Variants in KLHL1 observed in about 807,000 individuals in gnomAD.
KLHL1 encodes the protein kelch like family member 1.
KLHL1 carries 47 observed loss-of-function variants against 77.7 expected under a neutral mutation model. The observed-to-expected ratio is 0.60, with a 90% CI of 0.48 to 0.77. The LOEUF is 0.77. KLHL1 is among the 30% of genes least tolerant of loss of function. KLHL1 has a pLI of 0.00. For missense variants in KLHL1, 925 were observed against 910.8 expected, an observed-to-expected ratio of 1.02 and a Z score of -0.20; for synonymous variants, 360 against 325.2, an observed-to-expected ratio of 1.11 and a Z score of -1.15.
intron 5 of KLHL1, among the ~76,000 whole-genome samples, chr13:69,862,833 C>G (rs1880226837): frequency 1.3e-5 from 2 of 152,044 alleles, no homozygotes; most frequent in African/African-American, 4.8e-5. Context: ...AAGCCCTCAC[C>G]AGCAACTAAA....
chr13:70,088,869 T>A (rs996841559), intron 1 of KLHL1, among the ~76,000 whole-genome samples: 2 of 152,192 alleles, frequency 1.3e-5, no homozygotes, highest in African/African-American at 2.4e-5. Context: ...AAAAAACTTA[T>A]CAGGGCTATT....
intron 1 of KLHL1, among the ~76,000 whole-genome samples, chr13:70,065,097 T>C (rs951930521): frequency 1.1e-4 from 16 of 152,156 alleles, no homozygotes; most frequent in African/African-American, 3.4e-4. Flanking sequence ...TCTAACCCTG[T>C]TTATTTCAAG....
At chr13:69,799,463 G>A (rs529467227) in intron 6 of KLHL1, among the ~76,000 whole-genome samples, 5 of 152,194 alleles carry the variant, frequency 3.3e-5, no homozygotes, top group African/African-American at 7.2e-5. Flanking sequence ...TACATGACAG[G>A]ATTTTTAACC....
intron 2 of KLHL1, among the ~76,000 whole-genome samples, chr13:69,966,258 C>T (rs1030229547): frequency 6.6e-6 from 1 of 152,110 alleles, no homozygotes; most frequent in African/African-American, 2.4e-5. Context: ...TTTTTAGGGA[C>T]TAATGCACCA....
chr13:70,067,851 C>G (rs551719104), intron 1 of KLHL1, among the ~76,000 whole-genome samples: 8 of 152,072 alleles, frequency 5.3e-5, no homozygotes, highest in Non-Finnish European at 7.4e-5. Context: ...AATATGACAA[C>G]CAGTGGAGCA....
intron 1 of KLHL1, among the ~76,000 whole-genome samples, chr13:70,068,265 CG>C (rs1259472541): frequency 6.6e-6 from 1 of 151,818 alleles, no homozygotes; most frequent in African/African-American, 2.4e-5. Flanking sequence ...GGCGTGAACC[CG>C]GGAGGCGGAG....
chr13:70,059,472 G>A (rs1008731603), intron 1 of KLHL1, among the ~76,000 whole-genome samples: 5 of 152,066 alleles, frequency 3.3e-5, no homozygotes, highest in African/African-American at 1.2e-4. Context: ...GCCTGGCTGG[G>A]CAAATATTTC....
At chr13:69,968,713 TGGAATACCTTTTGTTGCA>T (rs1884293868) in intron 2 of KLHL1, among the ~76,000 whole-genome samples, 1 of 152,138 alleles carries the variant, frequency 6.6e-6, no homozygotes, top group Admixed American at 6.6e-5. Flanking sequence ...AAAATCAGCC[TGGAATACCTTTTGTTGCA>T]GAGAGTAAAG....
At chr13:69,819,780 T>G (rs1038636114) in intron 6 of KLHL1, among the ~76,000 whole-genome samples, 2 of 152,190 alleles carry the variant, frequency 1.3e-5, no homozygotes, top group African/African-American at 4.8e-5. Context: ...TTCACAGCTA[T>G]CATGTATAAG....
chr13:70,072,506 C>T (rs1887159257), intron 1 of KLHL1, among the ~76,000 whole-genome samples: 1 of 152,034 alleles, frequency 6.6e-6, no homozygotes, highest in Non-Finnish European at 1.5e-5. Context: ...AACTACAGAT[C>T]AATATCTGTC....
intron 6 of KLHL1, among the ~76,000 whole-genome samples, chr13:69,827,420 G>A (rs190838869): frequency 6.8e-4 from 103 of 151,808 alleles, no homozygotes; most frequent in Non-Finnish European, 1.3e-3. Flanking sequence ...GTATTTAGCA[G>A]GCCTTTTAAA....
chr13:70,074,380 T>C (rs56151754), intron 1 of KLHL1, among the ~76,000 whole-genome samples: 1 of 152,028 alleles, frequency 6.6e-6, no homozygotes, highest in Non-Finnish European at 1.5e-5. Context: ...ATGACAGGTA[T>C]GGTTAGTTAG....
At chr13:70,003,819 G>C (rs1054977558) in intron 1 of KLHL1, among the ~76,000 whole-genome samples, 3 of 151,628 alleles carry the variant, frequency 2.0e-5, no homozygotes, top group African/African-American at 7.3e-5. Context: ...TTAAGTAGAC[G>C]AGATTGTAGA....
intron 4 of KLHL1, among the ~76,000 whole-genome samples, chr13:69,929,686 T>C (rs917074307): frequency 3.3e-5 from 5 of 151,954 alleles, no homozygotes; most frequent in African/African-American, 1.2e-4. Flanking sequence ...CAATATTTAA[T>C]GCTAAGAATA....
At chr13:69,761,024 T>C (rs1300652827) in intron 7 of KLHL1, among the ~76,000 whole-genome samples, 1 of 152,116 alleles carries the variant, frequency 6.6e-6, no homozygotes, top group Non-Finnish European at 1.5e-5. Flanking sequence ...GACAACTCAC[T>C]TGGTCACTCA....
At chr13:70,065,764 G>A (rs1886993136) in intron 1 of KLHL1, among the ~76,000 whole-genome samples, 1 of 152,038 alleles carries the variant, frequency 6.6e-6, no homozygotes. Flanking sequence ...CAAAAACAGT[G>A]CCTTTGTTCA....
At chr13:69,844,976 G>T (rs937503818) in intron 5 of KLHL1, among the ~76,000 whole-genome samples, 1 of 151,506 alleles carries the variant, frequency 6.6e-6, no homozygotes, top group Non-Finnish European at 1.5e-5. Context: ...ATTTGCTCCC[G>T]CAGGATGAGA....
chr13:69,771,942 TATAATA>T (rs1173868808), intron 7 of KLHL1, among the ~76,000 whole-genome samples: 5 of 151,834 alleles, frequency 3.3e-5, no homozygotes, highest in Non-Finnish European at 5.9e-5. Context: ...CAATAAATAG[TATAATA>T]ATAATAATAA....
intron 9 of KLHL1, among the ~76,000 whole-genome samples, chr13:69,717,542 C>A (rs1198486960): frequency 6.6e-6 from 1 of 152,086 alleles, no homozygotes; most frequent in Non-Finnish European, 1.5e-5. Context: ...TAAATGTATT[C>A]CTAGACTGAA....
Sources: allele counts gnomAD v4.1 joint callset (sites outside exome capture counted in the v4.1 genomes callset), GRCh38; gene constraint gnomAD v4.1.1; transcripts MANE v1.5; gene names NCBI Gene and HGNC (gene_info 2026-07-23, HGNC 2026-07-21).